Variants in MYO5A observed in about 807,000 individuals in gnomAD.
MYO5A encodes the protein unconventional myosin-Va.
MYO5A carries 98 observed loss-of-function variants against 249.7 expected under a neutral mutation model. The ratio of observed to expected loss-of-function variants is 0.39; its 90% CI spans 0.33 to 0.46. The LOEUF is 0.46. MYO5A is among the 20% of genes least tolerant of loss of function. MYO5A has a pLI of 0.98. For synonymous variants in MYO5A, 778 were observed against 810.6 expected (o/e 0.96, Z 0.68); for missense variants, 1,696 against 2,308.8 (o/e 0.73, Z 5.44).
chr15:52,489,051 G>A (rs1370699913), intron 1 of MYO5A, among the ~76,000 whole-genome samples: 5 of 152,124 alleles, frequency 3.3e-5, no homozygotes, highest in African/African-American at 9.7e-5. Context: ...AGACCAAAGT[G>A]TAAAAGTAAA....
In MYO5A at chr15:52,312,444, G is replaced by T. The variant is rs141598172; in HGVS notation, c.*1252C>A. Reference sequence around the variant, plus strand: ...GTGGTTCGATCTCATTGCAATCTCCGCCTCCCAGGTTTAATCGATTCTCGT... The same window carrying T: ...GTGGTTCGATCTCATTGCAATCTCCTCCTCCCAGGTTTAATCGATTCTCGT... On this transcript the variant is annotated 3_prime_UTR_variant, in exon 42 of 42. Transcript: ENST00000399233. The T allele has an allele frequency of 6.6e-6, 1 of 151,898 alleles. No homozygotes were observed. Among genetic ancestry groups the T allele is most frequent in the Non-Finnish European group, 1.5e-5 (1 of 67,988 alleles). The allele number at this position is 151,898 out of a possible 1,614,324, so 9.4% of individuals were successfully genotyped here. A position where few individuals can be genotyped will look rare whatever the true frequency, so the allele number is the denominator to read the frequency against.
intron 16 of MYO5A, among the ~76,000 whole-genome samples, chr15:52,382,365 A>G (rs1208233700): frequency 6.6e-6 from 1 of 152,126 alleles, no homozygotes; most frequent in African/African-American, 2.4e-5. Context: ...CGAAGTCAGG[A>G]GTTCAAGACC....
chr15:52,494,237 G>T (rs1266943443), intron 1 of MYO5A, among the ~76,000 whole-genome samples: 1 of 152,086 alleles, frequency 6.6e-6, no homozygotes, highest in East Asian at 1.9e-4. Flanking sequence ...ACTAAGGATG[G>T]CTTTTCACTA....
chr15:52,454,313 A>T (rs1049371430), intron 1 of MYO5A, among the ~76,000 whole-genome samples: 1 of 152,150 alleles, frequency 6.6e-6, no homozygotes, highest in African/African-American at 2.4e-5. Context: ...GCAAGAAGAT[A>T]CAACAATTAT....
intron 32 of MYO5A, among the ~76,000 whole-genome samples, chr15:52,339,508 AT>A (rs2039281839): frequency 6.6e-6 from 1 of 151,688 alleles, no homozygotes. Flanking sequence ...ATTTTAGAAA[AT>A]TTTTTTGGCA....
intron 10 of MYO5A, 53 bp from the exon 11 acceptor site, chr15:52,396,450 TA>T (rs1686174039): frequency 1.9e-6 from 2 of 1,059,808 alleles, no homozygotes; most frequent in Admixed American, 2.0e-5. Context: ...AAAAGCTTTT[TA>T]AAAATATTCA....
chr15:52,384,442 G>A, intron 14 of MYO5A, 120 bp from the exon 15 acceptor site: 1 of 1,011,718 alleles, frequency 9.9e-7, no homozygotes, highest in South Asian at 1.4e-5. Context: ...TCACACTCCA[G>A]AAAGAGTCAG....
chr15:52,329,988 CT>C (rs569269632), intron 35 of MYO5A, among the ~76,000 whole-genome samples: 395 of 99,996 alleles, frequency 4.0e-3, no homozygotes, highest in Admixed American at 3.8e-3. Context: ...TTTTCTTTTT[CT>C]TTTTTTTTTT....
intron 1 of MYO5A, among the ~76,000 whole-genome samples, chr15:52,506,935 G>C (rs1417236619): frequency 9.2e-5 from 14 of 152,230 alleles, no homozygotes; most frequent in Admixed American, 9.2e-4. Flanking sequence ...CAATTTGGCT[G>C]CCAAAGACTC....
chr15:52,491,817 A>C (rs959403738), intron 1 of MYO5A, among the ~76,000 whole-genome samples: 2 of 152,224 alleles, frequency 1.3e-5, no homozygotes, highest in African/African-American at 4.8e-5. Context: ...AACACATTGA[A>C]CTACACCATG....
At chr15:52,376,232 C>A in intron 19 of MYO5A, 115 bp downstream of exon 19, 1 of 952,728 alleles carries the variant, frequency 1.0e-6, no homozygotes, top group Non-Finnish European at 1.6e-6. Context: ...TTTGTTGTCC[C>A]TTGGAACTAA....
chr15:52,431,684 TAAAA>T (rs56264450), intron 2 of MYO5A, among the ~76,000 whole-genome samples: 8 of 140,594 alleles, frequency 5.7e-5, no homozygotes, highest in African/African-American at 5.3e-5. Context: ...GTGCTATATC[TAAAA>T]AAAAAAAAAA....
intron 1 of MYO5A, among the ~76,000 whole-genome samples, chr15:52,525,764 A>G (rs2077719410): frequency 6.6e-6 from 1 of 152,162 alleles, no homozygotes; most frequent in Non-Finnish European, 1.5e-5. Flanking sequence ...AGTAGTTTTT[A>G]TCTCTGGAAT....
At chr15:52,367,147 G>A (rs993199205) in intron 22 of MYO5A, 23 bp from the exon 23 acceptor site, 34 of 1,596,770 alleles carry the variant, frequency 2.1e-5, no homozygotes, top group Middle Eastern at 1.7e-4. Context: ...ACAATAAACT[G>A]AGATGGTTGC....
At chr15:52,442,906 G>A (rs2075813757) in intron 1 of MYO5A, among the ~76,000 whole-genome samples, 1 of 151,930 alleles carries the variant, frequency 6.6e-6, no homozygotes, top group South Asian at 2.1e-4. Context: ...CAATACAAGT[G>A]CATGCCACCA....
At chr15:52,411,767 A>C (rs2043262037) in intron 5 of MYO5A, among the ~76,000 whole-genome samples, 1 of 152,220 alleles carries the variant, frequency 6.6e-6, no homozygotes, top group Admixed American at 6.5e-5. Flanking sequence ...ACAAGTCAAC[A>C]CATTAGATTC....
At chr15:52,394,344 AAAT>A (rs941370798) in intron 11 of MYO5A, among the ~76,000 whole-genome samples, 1 of 152,224 alleles carries the variant, frequency 6.6e-6, no homozygotes, top group Non-Finnish European at 1.5e-5. Flanking sequence ...GGAAACAAGA[AAAT>A]AATGAGGCAA....
rs150114684 is a variant in MYO5A, at chr15:52,371,087, T to A, written c.2818-670A>T. Among the ~76,000 whole-genome samples, 65 of 151,626 alleles carry A rather than the reference T, an allele frequency of 4.3e-4. 1 individual carries two copies. In the East Asian group the frequency reaches 6.8e-3, roughly 16 times the overall value. On this transcript the variant is annotated intron_variant, in intron 21 of 41. Coordinates refer to ENST00000399233, the MANE Select transcript of MYO5A (RefSeq NM_001382347.1). ...GTGATTGCACTGCTGTACTTTAGCCTGGGTGACAGGGTGAGAATCTGTCCT... is the reference window on the plus strand; with the variant it reads ...GTGATTGCACTGCTGTACTTTAGCCAGGGTGACAGGGTGAGAATCTGTCCT...
At chr15:52,523,550 C>T (rs1366965794) in intron 1 of MYO5A, among the ~76,000 whole-genome samples, 2 of 152,062 alleles carry the variant, frequency 1.3e-5, no homozygotes, top group Non-Finnish European at 2.9e-5. Flanking sequence ...GAGTGGTAAA[C>T]ATATACACAA....
Sources: allele counts gnomAD v4.1 joint callset (sites outside exome capture counted in the v4.1 genomes callset), GRCh38; gene constraint gnomAD v4.1.1; transcripts MANE v1.5; gene names NCBI Gene and HGNC (gene_info 2026-07-23, HGNC 2026-07-21).